STK33: variants seen among roughly 807,000 people sequenced by gnomAD.
STK33 encodes serine/threonine kinase 33.
Under a neutral mutation model 58.0 loss-of-function variants are expected in STK33, and 52 were observed. The observed-to-expected ratio is 0.90, with a 90% CI of 0.72 to 1.13. The LOEUF is 1.13. Among genes scored for constraint, STK33 ranks in the 50% most tolerant of loss-of-function variants. The pLI, the probability that STK33 is intolerant of heterozygous loss-of-function variation, is 0.00. For missense variants in STK33, 630 were observed against 604.2 expected, an observed-to-expected ratio of 1.04 and a Z score of -0.45; for synonymous variants, 215 against 200.1, an observed-to-expected ratio of 1.07 and a Z score of -0.63.
At chr11:8,385,838 T>G in the STK33 span, among the ~76,000 whole-genome samples, 3 of 152,036 alleles carry the variant, frequency 2.0e-5, no homozygotes, top group South Asian at 2.1e-4. Flanking sequence ...GCAGCGGCGC[T>G]ATCTCCACTC....
At chr11:8,443,365 A>C (rs757514033) in intron 11 of STK33, among the ~76,000 whole-genome samples, 30 of 152,222 alleles carry the variant, frequency 2.0e-4, no homozygotes, top group Non-Finnish European at 2.5e-4. Flanking sequence ...TCAGTCACAA[A>C]GAAAATTCCT....
rs180803684 is a variant in STK33, at chr11:8,424,406, G to A, written c.1147-10714C>T. On this transcript the variant is annotated intron_variant, in intron 14 of 15. Coordinates refer to ENST00000687296, the MANE Select transcript of STK33 (RefSeq NM_001352389.2). ...TCTATCATTGTTGGACATCTGGGTT[G>A]GTTCCAAGTCTTTGCTATTGTGAAT... Among the ~76,000 whole-genome samples the A allele has an allele frequency of 7.9e-3, 1,186 of 149,962 alleles. 30 individuals carry two copies. Among genetic ancestry groups the A allele is most frequent in the African/African-American group, 0.027 (1,097 of 40,388 alleles).
At chr11:8,368,917 G>C in the STK33 span, among the ~76,000 whole-genome samples, 2 of 152,178 alleles carry the variant, frequency 1.3e-5, no homozygotes, top group Non-Finnish European at 2.9e-5. Context: ...TCACACAAAC[G>C]AGCAGTGTGC....
At chr11:8,587,871 G>A (rs1463088626) in intron 1 of STK33, among the ~76,000 whole-genome samples, 1 of 152,200 alleles carries the variant, frequency 6.6e-6, no homozygotes, top group East Asian at 1.9e-4. Flanking sequence ...CAGCCTTGAA[G>A]CTTACATCCT....
At chr11:8,534,118 T>C (rs1381288664) in intron 1 of STK33, among the ~76,000 whole-genome samples, 2 of 151,960 alleles carry the variant, frequency 1.3e-5, no homozygotes, top group African/African-American at 2.4e-5. Flanking sequence ...CTACTAAAAG[T>C]ACAAAAATTA....
chr11:8,369,024 TG>T, the STK33 span, among the ~76,000 whole-genome samples: 1 of 152,080 alleles, frequency 6.6e-6, no homozygotes, highest in African/African-American at 2.4e-5. Context: ...AGAGAGCTAC[TG>T]GGCAGCCATG....
chr11:8,429,283 C>T (rs910818711), intron 14 of STK33, among the ~76,000 whole-genome samples: 35 of 152,256 alleles, frequency 2.3e-4, no homozygotes, highest in Middle Eastern at 3.4e-3. Flanking sequence ...TAAAGTTCAA[C>T]CTAAAAATAT....
intron 1 of STK33, among the ~76,000 whole-genome samples, chr11:8,554,314 G>T (rs1339035630): frequency 6.6e-6 from 1 of 151,556 alleles, no homozygotes; most frequent in Non-Finnish European, 1.5e-5. Flanking sequence ...AGCTACTGGG[G>T]AGGCTGAGGC....
intron 1 of STK33, among the ~76,000 whole-genome samples, chr11:8,590,775 G>A (rs2141593438): frequency 6.6e-6 from 1 of 152,246 alleles, no homozygotes; most frequent in Middle Eastern, 3.4e-3. Context: ...AGAGCTCTAA[G>A]ATAAATCCAA....
At chr11:8,466,132 G>A (rs1317964321) in intron 6 of STK33, 1 of 152,096 alleles carries the variant, frequency 6.6e-6, no homozygotes, top group African/African-American at 2.4e-5. Context: ...TTTGGGTGGG[G>A]ACATAGAGCC....
At chr11:8,582,980 G>C (rs1344295099) in intron 1 of STK33, among the ~76,000 whole-genome samples, 1 of 152,146 alleles carries the variant, frequency 6.6e-6, no homozygotes, top group Non-Finnish European at 1.5e-5. Flanking sequence ...TACTGACATG[G>C]ACATTGTTTA....
chr11:8,509,226 C>T lies in STK33; in HGVS notation c.-465-28612G>A, dbSNP rs192094716. Among the ~76,000 whole-genome samples, 171 of 150,982 alleles carry T rather than the reference C, an allele frequency of 1.1e-3. 1 individual carries two copies. The highest frequency in any genetic ancestry group is 2.1e-3 in the South Asian group (10 of 4,770). On this transcript the variant is annotated intron_variant, in intron 1 of 15. Transcript: ENST00000687296. ...TCTCATATAAAGGATAAGAGTTCAACGATTAAATCCTATCTTTTTGGGGTA... is the reference window on the plus strand; with the variant it reads ...TCTCATATAAAGGATAAGAGTTCAATGATTAAATCCTATCTTTTTGGGGTA...
chr11:8,556,669 T>A (rs1956764181), intron 1 of STK33, among the ~76,000 whole-genome samples: 2 of 152,224 alleles, frequency 1.3e-5, no homozygotes, highest in South Asian at 4.1e-4. Flanking sequence ...TTGTACACTT[T>A]CTTCATAGCA....
At chr11:8,443,284 C>T (rs1180044107) in intron 11 of STK33, among the ~76,000 whole-genome samples, 1 of 152,104 alleles carries the variant, frequency 6.6e-6, no homozygotes, top group Non-Finnish European at 1.5e-5. Context: ...AATTTTTATG[C>T]TCAACAAACC....
chr11:8,562,613 A>AT (rs748020302), intron 1 of STK33, among the ~76,000 whole-genome samples: 158 of 149,864 alleles, frequency 1.1e-3, no homozygotes, highest in East Asian at 2.0e-3. Flanking sequence ...AGTTTCACAG[A>AT]TTTTTTTTTT....
intron 9 of STK33, among the ~76,000 whole-genome samples, chr11:8,457,045 A>C (rs1049298630): frequency 1.3e-5 from 2 of 152,242 alleles, no homozygotes; most frequent in Non-Finnish European, 2.9e-5. Context: ...TGTTATGATT[A>C]ATAGATGTTT....
rs1334637762 is a variant in STK33, at chr11:8,527,586, AC to A, written c.-465-46973del. ...CAAGTAAGCTGTTCCCATGGCAAGAACTTGGAATTAAACAAAATACTGTGCT... is the reference window on the plus strand; with the variant it reads ...CAAGTAAGCTGTTCCCATGGCAAGAATTGGAATTAAACAAAATACTGTGCT... On this transcript the variant is annotated intron_variant, in intron 1 of 15. Coordinates refer to ENST00000687296, the MANE Select transcript of STK33 (RefSeq NM_001352389.2). 6.6e-5 allele frequency among the ~76,000 whole-genome samples: 10 copies of A among 152,252 alleles called. No individual in the cohort carries two copies. In the East Asian group the frequency reaches 1.9e-3, roughly 29 times the overall value.
At chr11:8,477,863 ATTTC>A (rs1192568243) in intron 2 of STK33, among the ~76,000 whole-genome samples, 39 of 152,198 alleles carry the variant, frequency 2.6e-4, no homozygotes, top group African/African-American at 7.0e-4. Flanking sequence ...AAAGCATAGG[ATTTC>A]TTTCTATTAC....
chr11:8,495,361 T>C (rs528101199), intron 1 of STK33, among the ~76,000 whole-genome samples: 1 of 152,340 alleles, frequency 6.6e-6, no homozygotes, highest in African/African-American at 2.4e-5. Context: ...TCATCATCAC[T>C]GGTCATTAGA....
Sources: allele counts gnomAD v4.1 joint callset (sites outside exome capture counted in the v4.1 genomes callset), GRCh38; gene constraint gnomAD v4.1.1; transcripts MANE v1.5; gene names NCBI Gene and HGNC (gene_info 2026-07-23, HGNC 2026-07-21).